Variants in WASL observed in about 807,000 individuals in gnomAD.
WASL encodes actin nucleation-promoting factor WASL.
WASL carries 20 observed loss-of-function variants against 55.5 expected under a neutral mutation model. The observed-to-expected ratio is 0.36, with a 90% CI of 0.25 to 0.52. The LOEUF is 0.52. Among genes scored for constraint, WASL ranks in the 20% least tolerant of loss-of-function variants. The pLI, the probability that WASL is intolerant of heterozygous loss-of-function variation, is 0.92. For synonymous variants in WASL, 249 were observed against 217.6 expected (o/e 1.14, Z -1.27); for missense variants, 504 against 622.5 (o/e 0.81, Z 2.03).
At chr7:123,730,300 ATT>A (rs1234197712) in intron 1 of WASL, among the ~76,000 whole-genome samples, 2 of 152,140 alleles carry the variant, frequency 1.3e-5, no homozygotes, top group Admixed American at 6.5e-5. Flanking sequence ...ATGGTGAATA[ATT>A]TTTTTCTTTT....
At chr7:123,707,750 G>A (rs1164096085) in intron 2 of WASL, among the ~76,000 whole-genome samples, 2 of 152,118 alleles carry the variant, frequency 1.3e-5, no homozygotes, top group Admixed American at 6.6e-5. Flanking sequence ...AAGCACTTGG[G>A]GGTTTCTTTC....
intron 1 of WASL, among the ~76,000 whole-genome samples, chr7:123,738,604 G>T (rs1804277301): frequency 6.6e-6 from 1 of 152,134 alleles, no homozygotes. Context: ...GCCTTGGAAT[G>T]ACAACTAGAT....
At chr7:123,699,963 T>C (rs1803552579) in intron 5 of WASL, among the ~76,000 whole-genome samples, 1 of 151,868 alleles carries the variant, frequency 6.6e-6, no homozygotes, top group South Asian at 2.1e-4. Context: ...GATCACGAGG[T>C]CAGGAGGTCG....
At chr7:123,684,626 A>C (rs926617701) in intron 10 of WASL, 46 bp from the exon 11 acceptor site, 1 of 1,483,328 alleles carries the variant, frequency 6.7e-7, no homozygotes, top group African/African-American at 1.4e-5. Context: ...AAATAAAATG[A>C]CATTACATAA....
intron 1 of WASL, among the ~76,000 whole-genome samples, chr7:123,735,275 A>G (rs1033184819): frequency 6.6e-6 from 1 of 151,978 alleles, no homozygotes; most frequent in African/African-American, 2.4e-5. Context: ...AAATGACTTC[A>G]TGGAAAAAAA....
At chr7:123,699,727 G>C (rs557977807) in intron 5 of WASL, among the ~76,000 whole-genome samples, 2 of 152,144 alleles carry the variant, frequency 1.3e-5, no homozygotes, top group Non-Finnish European at 2.9e-5. Context: ...GGAACAAAAT[G>C]TAAGTGATAT....
chr7:123,734,706 AC>A (rs1804197388), intron 1 of WASL, among the ~76,000 whole-genome samples: 1 of 152,000 alleles, frequency 6.6e-6, no homozygotes, highest in Non-Finnish European at 1.5e-5. Flanking sequence ...CTGGTATGAC[AC>A]TGTAACGGTG....
chr7:123,708,727 C>G (rs1416975376), intron 2 of WASL, among the ~76,000 whole-genome samples: 1 of 151,572 alleles, frequency 6.6e-6, no homozygotes, highest in Non-Finnish European at 1.5e-5. Flanking sequence ...TTGTTGTTAC[C>G]TGAACAGACT....
At chr7:123,747,983 A>G (rs919420873) in intron 1 of WASL, among the ~76,000 whole-genome samples, 4 of 151,434 alleles carry the variant, frequency 2.6e-5, no homozygotes, top group Non-Finnish European at 4.4e-5. Context: ...CAATGGGGGG[A>G]AAAAAAAAAT....
intron 1 of WASL, among the ~76,000 whole-genome samples, chr7:123,734,948 T>C (rs908477330): frequency 5.3e-5 from 8 of 152,192 alleles, no homozygotes; most frequent in African/African-American, 1.9e-4. Context: ...TTCCTGTAAA[T>C]GTAAAACTGC....
At chr7:123,723,434 T>C (rs183995913) in intron 1 of WASL, among the ~76,000 whole-genome samples, 1 of 152,330 alleles carries the variant, frequency 6.6e-6, no homozygotes, top group African/African-American at 2.4e-5. Context: ...TTTTGAACGA[T>C]GGCATCTAAA....
chr7:123,721,617 A>C (rs968818089), intron 1 of WASL, among the ~76,000 whole-genome samples: 2 of 152,174 alleles, frequency 1.3e-5, no homozygotes, highest in Non-Finnish European at 2.9e-5. Context: ...TAAGATTTAC[A>C]TTTTATTCAC....
At chr7:123,691,649 G>A (rs1034119326) in intron 9 of WASL, among the ~76,000 whole-genome samples, 1 of 152,112 alleles carries the variant, frequency 6.6e-6, no homozygotes, top group African/African-American at 2.4e-5. Context: ...ATCCTTTATA[G>A]GAAAATGTTT....
rs148100107 is a variant in WASL, at chr7:123,743,877, T to C, written c.117+4741A>G. ...AGAAGTAAAATTCATAACCCAACCC[T>C]GTTGGACTTTTCTGAATCTCTTCTT... On this transcript the variant is annotated intron_variant, in intron 1 of 10. Transcript: ENST00000223023. Among the ~76,000 whole-genome samples, 963 of 152,328 alleles carry C rather than the reference T, an allele frequency of 6.3e-3. 9 individuals are homozygous for C. Among genetic ancestry groups the C allele is most frequent in the African/African-American group, 0.021 (891 of 41,570 alleles).
At chr7:123,700,446 C>CT (rs34850578) in intron 5 of WASL, among the ~76,000 whole-genome samples, 37 of 146,244 alleles carry the variant, frequency 2.5e-4, no homozygotes, top group Admixed American at 8.9e-4. Context: ...TACTTTACCT[C>CT]TTTTTTTTTT....
chr7:123,743,127 A>C (rs1804373478), intron 1 of WASL, among the ~76,000 whole-genome samples: 2 of 152,156 alleles, frequency 1.3e-5, no homozygotes, highest in Admixed American at 1.3e-4. Context: ...ACCTGAGGTC[A>C]GGAGTTCGAG....
intron 8 of WASL, among the ~76,000 whole-genome samples, chr7:123,694,489 AT>A (rs1803461617): frequency 6.6e-6 from 1 of 152,176 alleles, no homozygotes. Context: ...AGCTGGGAAG[AT>A]TTTGTATGGA....
At chr7:123,719,069 A>C (rs1803893045) in intron 1 of WASL, among the ~76,000 whole-genome samples, 2 of 152,202 alleles carry the variant, frequency 1.3e-5, no homozygotes, top group Non-Finnish European at 2.9e-5. Context: ...TCTACTTGTC[A>C]CATCATCTCT....
intron 1 of WASL, among the ~76,000 whole-genome samples, chr7:123,743,796 G>C (rs1045522600): frequency 1.3e-5 from 2 of 152,192 alleles, no homozygotes; most frequent in Non-Finnish European, 2.9e-5. Flanking sequence ...TAGACATGAA[G>C]GCTGAGACTA....
Sources: gnomAD v4.1 joint callset for allele counts (sites outside exome capture counted in the v4.1 genomes callset) on GRCh38, gnomAD v4.1.1 for gene constraint, MANE v1.5 for transcripts, NCBI Gene and HGNC (gene_info 2026-07-23, HGNC 2026-07-21) for gene names.